The following USP32 variants were observed in gnomAD, a reference collection of about 807,000 sequenced individuals.
USP32 encodes ubiquitin specific peptidase 32, also known as ubiquitin carboxyl-terminal hydrolase 32.
A neutral mutation model predicts 204.8 loss-of-function variants in USP32; 59 were observed. The observed-to-expected ratio is 0.29, with a 90% CI of 0.23 to 0.36. The LOEUF (loss-of-function observed/expected upper bound fraction) is 0.36, where lower values mean the gene tolerates loss of function less well. USP32 is among the 10% of genes least tolerant of loss of function. The pLI is 1.00. For missense variants in USP32, 1,160 were observed against 1,946.4 expected (o/e 0.60, Z 7.60); for synonymous variants, 517 against 678.4 (o/e 0.76, Z 3.70).
intron 3 of USP32, among the ~76,000 whole-genome samples, chr17:60,300,124 AC>A (rs2087536321): frequency 6.6e-6 from 1 of 152,160 alleles, no homozygotes; most frequent in Non-Finnish European, 1.5e-5. Context: ...AGAGAGAAAG[AC>A]CCAGCATATG....
Position 60,391,965 on chromosome 17 carries a change from G to A in USP32, c.-26C>T, listed in dbSNP as rs750568674. On this transcript the variant is annotated 5_prime_UTR_variant, in exon 1 of 34. Transcript: ENST00000300896. ...GCTCCCCTCATCCCCTCGGCGGGGG[G>A]TCGGAGCCTGATCTCGCCCCCACCC... 10 of 1,606,066 alleles carry A rather than the reference G, an allele frequency of 6.2e-6. No individual in the cohort carries two copies. Among genetic ancestry groups the A allele is most frequent in the Non-Finnish European group, 8.5e-6 (10 of 1,176,624 alleles).
chr17:60,262,955 T>A (rs929935524), intron 9 of USP32, among the ~76,000 whole-genome samples: 2 of 146,742 alleles, frequency 1.4e-5, no homozygotes, highest in African/African-American at 2.5e-5. Flanking sequence ...GGTGCTAACC[T>A]TTTTTTTTTT....
chr17:60,232,236 G>GC, intron 12 of USP32, among the ~76,000 whole-genome samples: 1 of 130,154 alleles, frequency 7.7e-6, no homozygotes, highest in African/African-American at 3.0e-5. Flanking sequence ...GCAGTGGCAT[G>GC]ATCTCGGCTC....
chr17:60,391,595 T>C (rs936549055), intron 1 of USP32, among the ~76,000 whole-genome samples: 1 of 152,032 alleles, frequency 6.6e-6, no homozygotes, highest in South Asian at 2.1e-4. Context: ...GGAGAGGACT[T>C]CCCTGGACAC....
intron 1 of USP32, among the ~76,000 whole-genome samples, chr17:60,384,501 G>A (rs915860257): frequency 5.3e-5 from 8 of 152,156 alleles, no homozygotes; most frequent in African/African-American, 1.9e-4. Context: ...AGTGATGAGC[G>A]CCGCCCTAGG....
chr17:60,316,564 G>C (rs1009546614), intron 2 of USP32, among the ~76,000 whole-genome samples: 43 of 152,140 alleles, frequency 2.8e-4, no homozygotes, highest in African/African-American at 9.9e-4. Flanking sequence ...GAATGGGCCA[G>C]GCACGGTGGC....
At chr17:60,383,518 C>T (rs1428627675) in intron 1 of USP32, among the ~76,000 whole-genome samples, 2 of 152,146 alleles carry the variant, frequency 1.3e-5, no homozygotes, top group Non-Finnish European at 2.9e-5. Context: ...GTGATAATTA[C>T]GTATTATGAT....
chr17:60,271,299 G>A lies in USP32; in HGVS notation c.703+51C>T, dbSNP rs539180178. On this transcript the variant is annotated intron_variant, in intron 6 of 33. Coordinates refer to ENST00000300896, the MANE Select transcript of USP32 (RefSeq NM_032582.4). The stretch of plus-strand genomic sequence containing the variant: ...TGTATTGGTTACAAATATGAGATGG[G>A]CTCAGGTATGTTTACCAGTGAACAT... The A allele has an allele frequency of 2.3e-5, 37 of 1,597,650 alleles. No homozygotes were observed. In the East Asian group the frequency reaches 8.1e-4, roughly 35 times the overall value.
At chr17:60,385,038 C>A (rs568014121) in intron 1 of USP32, among the ~76,000 whole-genome samples, 3 of 152,286 alleles carry the variant, frequency 2.0e-5, no homozygotes, top group South Asian at 2.1e-4. Flanking sequence ...ATTCAGATGG[C>A]CTGAAGCAAC....
In USP32 at chr17:60,335,318, G is replaced by A. The variant is rs1225670424; in HGVS notation, c.186+10163C>T. 3.1e-4 allele frequency among the ~76,000 whole-genome samples: 44 copies of A among 142,252 alleles called. 12 individuals are homozygous for A. The highest frequency in any genetic ancestry group is 1.3e-3 in the African/African-American group (42 of 32,954). The allele number at this position is 142,252 out of a possible 152,430, so 93.3% of individuals were successfully genotyped here. On this transcript the variant is annotated intron_variant, in intron 2 of 33. Transcript: ENST00000300896. ...CCCTGCAAATATTAAGTATGTGTCT[G>A]TCTTTCTTCATCCAAACACCCACTT...
chr17:60,273,833 G>A (rs2086777954), intron 5 of USP32, among the ~76,000 whole-genome samples: 1 of 151,856 alleles, frequency 6.6e-6, no homozygotes, highest in African/African-American at 2.4e-5. Flanking sequence ...GGTGGCGGGT[G>A]CCTGTAGTCC....
intron 1 of USP32, among the ~76,000 whole-genome samples, chr17:60,383,161 G>A (rs1180736136): frequency 1.3e-5 from 2 of 149,000 alleles, no homozygotes; most frequent in African/African-American, 5.0e-5. Context: ...CAGGAGAATC[G>A]CCTCAACCCA....
rs1220483762 is a variant in USP32 at position 60,183,176 on chromosome 17, C to T, written c.4112G>A (p.Ser1371Asn). 3.1e-6 allele frequency: 5 copies of T among 1,610,708 alleles called. No homozygotes were observed. The highest frequency in any genetic ancestry group is 4.2e-6 in the Non-Finnish European group (5 of 1,177,946). Residue 1371 changes from serine (S) to asparagine (N), a missense_variant, in exon 31 of 34, where the codon AGC becomes AAC. This residue lies in a region of USP32 where 244 missense variants were observed against 342.3 expected (regional missense o/e 0.71). Coordinates refer to ENST00000300896, the MANE Select transcript of USP32 (RefSeq NM_032582.4). ...SPSSLSANII[S>N]SPKGSPSSSR... ...CCCCCAGGCCTCACCTTTCGGGCTG[C>T]TGATGATGTTAGCGCTGAGTGAGGA...
chr17:60,222,544 T>A lies in USP32; in HGVS notation c.1614A>T (p.Thr538=). The change falls in exon 15 of 34, where the codon ACA becomes ACT. Residue 538 remains threonine (T), a synonymous_variant. Transcript: ENST00000300896. ...ATCGTCCTCCTTCTAGTGTTAATGA[T>A]GTAGCCTGAGAAAGAATAGAATGAC... ...PLVTQEPVKA[T]SLTLEGGRLK... is the part of the protein sequence containing the mutation. 1 of 1,613,684 alleles carries A rather than the reference T, an allele frequency of 6.2e-7. No individual in the cohort carries two copies.
intron 9 of USP32, chr17:60,256,697 G>C: frequency 8.9e-7 from 1 of 1,121,842 alleles, no homozygotes; most frequent in East Asian, 7.3e-5. Flanking sequence ...GTGAGGAAAG[G>C]AACATCAATG....
At chr17:60,393,374 T>G (rs898071377), upstream of USP32, among the ~76,000 whole-genome samples, 2 of 152,186 alleles carry the variant, frequency 1.3e-5, no homozygotes, top group African/African-American at 4.8e-5. Context: ...AGCAGCATTA[T>G]TCACGAGAGC....
At chr17:60,349,515 G>A (rs1204415467) in intron 1 of USP32, among the ~76,000 whole-genome samples, 6 of 142,442 alleles carry the variant, frequency 4.2e-5, no homozygotes, top group African/African-American at 7.7e-5. Flanking sequence ...AGGTTGCAGT[G>A]AGCTGAGATA....
intron 1 of USP32, among the ~76,000 whole-genome samples, chr17:60,349,019 C>T (rs1290469980): frequency 1.3e-5 from 2 of 151,820 alleles, no homozygotes; most frequent in Non-Finnish European, 2.9e-5. Context: ...CTTCAAGATG[C>T]CTAATTTTCA....
intron 1 of USP32, among the ~76,000 whole-genome samples, chr17:60,369,057 G>C (rs1345311082): frequency 3.1e-5 from 4 of 129,314 alleles, no homozygotes; most frequent in Non-Finnish European, 4.5e-5. Flanking sequence ...TGCAGTGGCG[G>C]GATCTCGGCT....
Sources: allele counts gnomAD v4.1 joint callset (sites outside exome capture counted in the v4.1 genomes callset), GRCh38; gene constraint gnomAD v4.1.1; regional missense constraint gnomAD v4.1.1; transcripts MANE v1.5; gene names NCBI Gene and HGNC (gene_info 2026-07-23, HGNC 2026-07-21).